ADARB2: variants seen among roughly 807,000 people sequenced by gnomAD.
ADARB2 encodes the protein inactive double-stranded RNA-specific editase B2.
In ADARB2, 25 loss-of-function variants were observed where a neutral mutation model predicts 62.2. The observed-to-expected ratio is 0.40, with a 90% CI of 0.29 to 0.56. ADARB2 has a LOEUF of 0.56. ADARB2 is among the 20% of genes least tolerant of loss of function. The pLI, the probability that ADARB2 is intolerant of heterozygous loss-of-function variation, is 0.43. For missense variants in ADARB2, 1,071 were observed against 1,077.4 expected (o/e 0.99, Z 0.08); for synonymous variants, 572 against 500.8 (o/e 1.14, Z -1.90).
At position 1,644,768 on chromosome 10, in the gene ADARB2, C is replaced by T. The variant is rs143418809; in HGVS notation, c.100+92283G>A. Among the ~76,000 whole-genome samples, 752 of 152,312 alleles carry T rather than the reference C, an allele frequency of 4.9e-3. 9 individuals carry two copies. Among genetic ancestry groups the T allele is most frequent in the African/African-American group, 0.017 (691 of 41,570 alleles). ...AAGCCTTTCAAATGACTTTTCTGAC[C>T]GAATGAGAGATTGCATTGGCACTGA... On this transcript the variant is annotated intron_variant, in intron 1 of 9. Transcript: ENST00000381312.
At chr10:1,524,805 G>A (rs1391114034) in intron 1 of ADARB2, among the ~76,000 whole-genome samples, 7 of 152,122 alleles carry the variant, frequency 4.6e-5, no homozygotes. Context: ...CTATCACAGT[G>A]AGCGGTGACA....
chr10:1,277,014 C>A (rs915880902), intron 3 of ADARB2, among the ~76,000 whole-genome samples: 4 of 152,124 alleles, frequency 2.6e-5, no homozygotes, highest in Admixed American at 6.5e-5. Flanking sequence ...CTACTGGGTA[C>A]ATAATGAAAT....
In ADARB2 at chr10:1,733,196, G is replaced by C. The variant is rs112721358; in HGVS notation, c.100+3855C>G. On this transcript the variant is annotated intron_variant, in intron 1 of 9. Transcript: ENST00000381312. ...TCCACTCTGTGAAGATTGACACGCC[G>C]CTTCTAAAACCCCAGCCTCCAATGT... Among the ~76,000 whole-genome samples the C allele has an allele frequency of 5.9e-5, 9 of 152,222 alleles. 1 individual carries two copies. Among genetic ancestry groups the C allele is most frequent in the African/African-American group, 2.2e-4 (9 of 41,544 alleles).
chr10:1,576,206 GCTCAGGGTCACAGGACAGGT>G lies in ADARB2; in HGVS notation c.100+160825_100+160844del, dbSNP rs1483984182. Reference sequence around the variant, plus strand: ...GACAGGTCTCAGGGTCACTGGAGGAGCTCAGGGTCACAGGACAGGTCTCAGGGTCACAGGAGGTGGCTTAG... The same window carrying G: ...GACAGGTCTCAGGGTCACTGGAGGAGCTCAGGGTCACAGGAGGTGGCTTAG... On this transcript the variant is annotated intron_variant, in intron 1 of 9. Coordinates refer to ENST00000381312, the MANE Select transcript of ADARB2 (RefSeq NM_018702.4). 3.3e-5 allele frequency among the ~76,000 whole-genome samples: 5 copies of G among 150,084 alleles called. No homozygotes were observed. In the South Asian group the frequency reaches 8.5e-4, roughly 26 times the overall value.
intron 1 of ADARB2, among the ~76,000 whole-genome samples, chr10:1,734,315 TTA>T (rs1491454983): frequency 2.1e-5 from 3 of 145,644 alleles, no homozygotes; most frequent in African/African-American, 2.6e-5. Flanking sequence ...TTTTTTTTTT[TTA>T]AAGATACATA....
At chr10:1,229,069 AAAC>A (rs1422533152) in intron 6 of ADARB2, among the ~76,000 whole-genome samples, 2 of 152,196 alleles carry the variant, frequency 1.3e-5, no homozygotes, top group African/African-American at 4.8e-5. Flanking sequence ...CCAGAGCTGG[AAAC>A]AACAAACTTG....
At chr10:1,440,633 T>C (rs953383561) in intron 1 of ADARB2, among the ~76,000 whole-genome samples, 2 of 152,236 alleles carry the variant, frequency 1.3e-5, no homozygotes, top group African/African-American at 4.8e-5. Context: ...GGCAGGTCTG[T>C]ACCGGTTTCC....
intron 1 of ADARB2, among the ~76,000 whole-genome samples, chr10:1,561,098 T>C (rs1353011368): frequency 6.6e-6 from 1 of 152,212 alleles, no homozygotes; most frequent in Non-Finnish European, 1.5e-5. Flanking sequence ...ATTTTAATAA[T>C]AAATTTTATC....
intron 1 of ADARB2, among the ~76,000 whole-genome samples, chr10:1,713,677 T>C (rs1013522111): frequency 6.6e-6 from 1 of 152,180 alleles, no homozygotes; most frequent in East Asian, 1.9e-4. Flanking sequence ...ACAAGCGCCA[T>C]GGCCAGAATT....
intron 1 of ADARB2, among the ~76,000 whole-genome samples, chr10:1,629,803 C>T (rs1333035944): frequency 3.3e-5 from 5 of 152,120 alleles, no homozygotes; most frequent in African/African-American, 9.7e-5. Context: ...GGTTACACAA[C>T]AGCCTTGCAC....
chr10:1,206,099 T>C (rs929133139), intron 7 of ADARB2, among the ~76,000 whole-genome samples: 4 of 152,222 alleles, frequency 2.6e-5, no homozygotes, highest in African/African-American at 7.2e-5. Context: ...GCCACACATA[T>C]CTCATTTCTC....
chr10:1,724,749 C>T (rs767023382), intron 1 of ADARB2, among the ~76,000 whole-genome samples: 3 of 152,180 alleles, frequency 2.0e-5, no homozygotes, highest in Non-Finnish European at 2.9e-5. Flanking sequence ...ACCCTAGCCA[C>T]GTCTACCCTT....
At chr10:1,362,697 A>G (rs1832270100) in intron 3 of ADARB2, among the ~76,000 whole-genome samples, 1 of 152,078 alleles carries the variant, frequency 6.6e-6, no homozygotes. Flanking sequence ...ACCCGGCACG[A>G]CCATCCGACC....
chr10:1,563,073 C>T lies in ADARB2; in HGVS notation c.100+173978G>A, dbSNP rs116439554. 5.2e-3 allele frequency among the ~76,000 whole-genome samples: 789 copies of T among 152,292 alleles called. 8 individuals carry two copies. The highest frequency in any genetic ancestry group is 0.018 in the African/African-American group (743 of 41,556). On this transcript the variant is annotated intron_variant, in intron 1 of 9. Coordinates refer to ENST00000381312, the MANE Select transcript of ADARB2 (RefSeq NM_018702.4). ...TCCCTGTGTCCTCCGCACGTGACCTCCTGAACCCTTTGAGCTGTCCAGGGT... is the reference window on the plus strand; with the variant it reads ...TCCCTGTGTCCTCCGCACGTGACCTTCTGAACCCTTTGAGCTGTCCAGGGT...
intron 1 of ADARB2, among the ~76,000 whole-genome samples, chr10:1,621,804 T>C (rs1833706441): frequency 6.6e-6 from 1 of 152,246 alleles, no homozygotes. Flanking sequence ...AAATTATCCA[T>C]GGATTCAATG....
intron 1 of ADARB2, among the ~76,000 whole-genome samples, chr10:1,692,003 G>GA (rs1834679288): frequency 6.6e-6 from 1 of 152,164 alleles, no homozygotes; most frequent in South Asian, 2.1e-4. Flanking sequence ...TGTCTTCAGC[G>GA]CTCGCTGCTG....
chr10:1,641,786 G>A (rs569261785), intron 1 of ADARB2, among the ~76,000 whole-genome samples: 1 of 152,226 alleles, frequency 6.6e-6, no homozygotes, highest in Non-Finnish European at 1.5e-5. Flanking sequence ...GCCAAGGTGG[G>A]TGGATCACCT....
intron 1 of ADARB2, among the ~76,000 whole-genome samples, chr10:1,596,192 C>T (rs1002806059): frequency 2.6e-5 from 4 of 152,206 alleles, no homozygotes; most frequent in Non-Finnish European, 4.4e-5. Flanking sequence ...ATGACAATAA[C>T]ATAGTTTGAA....
chr10:1,296,972 G>A (rs1482719096), intron 3 of ADARB2, among the ~76,000 whole-genome samples: 2 of 152,136 alleles, frequency 1.3e-5, no homozygotes, highest in South Asian at 2.1e-4. Context: ...CATCTCTCCA[G>A]TATTTTATTT....
Sources: allele counts gnomAD v4.1 joint callset (sites outside exome capture counted in the v4.1 genomes callset), GRCh38; gene constraint gnomAD v4.1.1; transcripts MANE v1.5; gene names NCBI Gene and HGNC (gene_info 2026-07-23, HGNC 2026-07-21).